SLC8A1: variants seen among roughly 807,000 people sequenced by gnomAD.
SLC8A1 encodes solute carrier family 8 member A1.
A neutral mutation model predicts 68.3 loss-of-function variants in SLC8A1; 18 were observed. That is an observed-to-expected ratio of 0.26 (90% CI 0.18 to 0.39). SLC8A1 has a LOEUF of 0.39. SLC8A1 is among the 10% of genes least tolerant of loss of function. SLC8A1 has a pLI of 1.00. For synonymous variants in SLC8A1, 475 were observed against 415.5 expected, an observed-to-expected ratio of 1.14 and a Z score of -1.74; for missense variants, 985 against 1,156.7, an observed-to-expected ratio of 0.85 and a Z score of 2.15.
At chr2:40,425,598 G>A (rs1252108690) in intron 2 of SLC8A1, among the ~76,000 whole-genome samples, 1 of 151,674 alleles carries the variant, frequency 6.6e-6, no homozygotes, top group African/African-American at 2.4e-5. Context: ...AAAGCTTGGT[G>A]GCGCCATCAG....
At chr2:40,328,328 G>T (rs532526481) in intron 2 of SLC8A1, among the ~76,000 whole-genome samples, 124 of 152,058 alleles carry the variant, frequency 8.2e-4, no homozygotes, top group African/African-American at 2.9e-3. Context: ...TTGAAACATC[G>T]ACTTCCCCCG....
chr2:40,146,609 C>A (rs2042513540), intron 6 of SLC8A1, among the ~76,000 whole-genome samples: 1 of 148,826 alleles, frequency 6.7e-6, no homozygotes, highest in Admixed American at 6.7e-5. Context: ...TTTCTTGCAA[C>A]TAGATGGTCC....
chr2:40,289,608 T>A (rs1183208252), intron 2 of SLC8A1, among the ~76,000 whole-genome samples: 2 of 151,850 alleles, frequency 1.3e-5, no homozygotes, highest in African/African-American at 2.4e-5. Flanking sequence ...CCCAACACTT[T>A]GGGAGGCTGA....
chr2:40,266,055 G>A (rs1351554000), intron 2 of SLC8A1, among the ~76,000 whole-genome samples: 1 of 152,170 alleles, frequency 6.6e-6, no homozygotes, highest in Non-Finnish European at 1.5e-5. Flanking sequence ...GGAGAATGAA[G>A]AATTCAGAAT....
intron 2 of SLC8A1, among the ~76,000 whole-genome samples, chr2:40,377,659 A>G (rs1048718901): frequency 1.3e-5 from 2 of 151,716 alleles, no homozygotes; most frequent in African/African-American, 4.8e-5. Context: ...ATAATAAAAA[A>G]CTCTGGTCCA....
chr2:40,322,862 C>G (rs1165809677), intron 2 of SLC8A1, among the ~76,000 whole-genome samples: 1 of 150,994 alleles, frequency 6.6e-6, no homozygotes, highest in Non-Finnish European at 1.5e-5. Flanking sequence ...CACACACACC[C>G]CACACACAGA....
chr2:40,488,367 G>C (rs1375846917), intron 1 of SLC8A1, among the ~76,000 whole-genome samples: 1 of 152,012 alleles, frequency 6.6e-6, no homozygotes, highest in East Asian at 1.9e-4. Context: ...GGAGATTCAG[G>C]CCCATTCGTA....
At chr2:40,355,678 G>C (rs914460086) in intron 2 of SLC8A1, among the ~76,000 whole-genome samples, 1 of 152,086 alleles carries the variant, frequency 6.6e-6, no homozygotes, top group Non-Finnish European at 1.5e-5. Context: ...TCAAAATCCA[G>C]CTCGCTTTAA....
At chr2:40,503,435 A>G (rs554384843) in intron 1 of SLC8A1, among the ~76,000 whole-genome samples, 10 of 152,140 alleles carry the variant, frequency 6.6e-5, no homozygotes, top group African/African-American at 2.2e-4. Context: ...TTTATTCAAC[A>G]TAGTGCTAGA....
At chr2:40,396,238 C>A (rs190237415) in intron 2 of SLC8A1, among the ~76,000 whole-genome samples, 1 of 152,068 alleles carries the variant, frequency 6.6e-6, no homozygotes, top group South Asian at 2.1e-4. Context: ...TAAGCATGAC[C>A]ATTCTTCCCC....
intron 2 of SLC8A1, among the ~76,000 whole-genome samples, chr2:40,352,804 A>C (rs939154076): frequency 6.6e-6 from 1 of 152,126 alleles, no homozygotes; most frequent in African/African-American, 2.4e-5. Context: ...TAACACCAGG[A>C]TTCCACGTTA....
chr2:40,282,177 C>T (rs904446115), intron 2 of SLC8A1, among the ~76,000 whole-genome samples: 1 of 151,942 alleles, frequency 6.6e-6, no homozygotes, highest in Non-Finnish European at 1.5e-5. Flanking sequence ...TGTTTCTTAC[C>T]TCATTCAGAG....
At chr2:40,493,476 C>T (rs866192657) in intron 1 of SLC8A1, among the ~76,000 whole-genome samples, 105 of 150,056 alleles carry the variant, frequency 7.0e-4, no homozygotes, top group African/African-American at 2.5e-3. Flanking sequence ...TGCACATGTA[C>T]CCTAAAACTT....
chr2:40,307,958 G>C (rs899509817), intron 2 of SLC8A1, among the ~76,000 whole-genome samples: 2 of 152,066 alleles, frequency 1.3e-5, no homozygotes, highest in South Asian at 4.2e-4. Flanking sequence ...AGGAGAAGAA[G>C]ACCTGCTAAA....
chr2:40,224,861 A>G (rs1451367368), intron 2 of SLC8A1, among the ~76,000 whole-genome samples: 1 of 152,146 alleles, frequency 6.6e-6, no homozygotes, highest in Non-Finnish European at 1.5e-5. Context: ...CAACCCCATC[A>G]AAAAGTGAGT....
intron 2 of SLC8A1, among the ~76,000 whole-genome samples, chr2:40,340,866 C>T (rs569797068): frequency 2.6e-5 from 4 of 152,248 alleles, no homozygotes; most frequent in African/African-American, 4.8e-5. Context: ...TGAGATAGCA[C>T]GCACCCCTCT....
chr2:40,394,068 C>A (rs930699159), intron 2 of SLC8A1, among the ~76,000 whole-genome samples: 21 of 152,044 alleles, frequency 1.4e-4, no homozygotes, highest in African/African-American at 5.1e-4. Context: ...TTGTGTAGGG[C>A]TCAGGAATGC....
intron 1 of SLC8A1, among the ~76,000 whole-genome samples, chr2:40,461,059 C>T (rs546304885): frequency 6.6e-6 from 1 of 152,102 alleles, no homozygotes; most frequent in South Asian, 2.1e-4. Context: ...TTTTCTTTGG[C>T]CCAATTCTTA....
intron 2 of SLC8A1, among the ~76,000 whole-genome samples, chr2:40,246,023 C>A (rs891695185): frequency 3.9e-5 from 6 of 152,226 alleles, no homozygotes; most frequent in Non-Finnish European, 7.3e-5. Flanking sequence ...GCCATATGAC[C>A]TGTCTTAGAC....
Sources: gnomAD v4.1 joint callset for allele counts (sites outside exome capture counted in the v4.1 genomes callset) on GRCh38, gnomAD v4.1.1 for gene constraint, MANE v1.5 for transcripts, NCBI Gene and HGNC (gene_info 2026-07-23, HGNC 2026-07-21) for gene names.